Variants in SAMD3 observed in about 807,000 individuals in gnomAD.
The protein encoded by SAMD3 is sterile alpha motif domain containing 3, also known as sterile alpha motif domain-containing protein 3.
Under a neutral mutation model 58.5 loss-of-function variants are expected in SAMD3, and 63 were observed. The observed-to-expected ratio is 1.08, with a 90% CI of 0.88 to 1.33. SAMD3 has a LOEUF of 1.33. Among genes scored for constraint, SAMD3 ranks in the 40% most tolerant of loss-of-function variants. The pLI, the probability that SAMD3 is intolerant of heterozygous loss-of-function variation, is 0.00. For missense variants in SAMD3, 604 were observed against 608.4 expected (o/e 0.99, Z 0.08); for synonymous variants, 220 against 210.3 (o/e 1.05, Z -0.40).
chr6:130,321,878 C>G (rs1158916901), intron 1 of SAMD3, among the ~76,000 whole-genome samples: 2 of 152,150 alleles, frequency 1.3e-5, no homozygotes, highest in African/African-American at 4.8e-5. Context: ...ATTCAGACCT[C>G]AACTCAAGGA....
At chr6:130,189,992 G>C (rs1034608298) in intron 5 of SAMD3, among the ~76,000 whole-genome samples, 2 of 152,130 alleles carry the variant, frequency 1.3e-5, no homozygotes, top group Admixed American at 6.5e-5. Context: ...CAAAGACTTG[G>C]GGGCAGGATT....
At chr6:130,216,832 C>G (rs1352231534) in intron 1 of SAMD3, among the ~76,000 whole-genome samples, 1 of 152,152 alleles carries the variant, frequency 6.6e-6, no homozygotes, top group Non-Finnish European at 1.5e-5. Flanking sequence ...TTGCGAGACT[C>G]TGGTGTAAAT....
intron 4 of SAMD3, among the ~76,000 whole-genome samples, chr6:130,211,786 A>G (rs1795595091): frequency 1.3e-5 from 2 of 151,712 alleles, no homozygotes; most frequent in Admixed American, 6.6e-5. Flanking sequence ...CGGGTCCTTA[A>G]CCTTGGCAAA....
rs974234561 is a variant in SAMD3, at chr6:130,281,124, C to T, written c.-188+31854G>A. Reference sequence around the variant, plus strand: ...TAATGCAAATTATGTGAATGTGTCTCTCTCTATCTCTCTCTTTCAAAATAT... The same window carrying T: ...TAATGCAAATTATGTGAATGTGTCTTTCTCTATCTCTCTCTTTCAAAATAT... On this transcript the variant is annotated intron_variant, in intron 2 of 13. Transcript: ENST00000368134. Among the ~76,000 whole-genome samples the T allele has an allele frequency of 3.5e-4, 25 of 71,290 alleles. No individual in the cohort carries two copies. In the South Asian group the frequency reaches 7.7e-3, roughly 22 times the overall value. 46.8% of individuals were successfully genotyped at this position (71,290 alleles called of 152,430 possible).
chr6:130,316,500 A>G (rs1776376883), intron 1 of SAMD3, among the ~76,000 whole-genome samples: 1 of 152,034 alleles, frequency 6.6e-6, no homozygotes, highest in Non-Finnish European at 1.5e-5. Flanking sequence ...AAAAATAATA[A>G]TAACTTGAAT....
chr6:130,358,152 AC>A (rs1262732105), intron 1 of SAMD3, among the ~76,000 whole-genome samples: 2 of 152,246 alleles, frequency 1.3e-5, no homozygotes, highest in African/African-American at 4.8e-5. Context: ...TAAGTAGATA[AC>A]ATTTTCCCTA....
At chr6:130,204,965 C>A (rs1794957576) in intron 5 of SAMD3, among the ~76,000 whole-genome samples, 1 of 152,026 alleles carries the variant, frequency 6.6e-6, no homozygotes, top group African/African-American at 2.4e-5. Flanking sequence ...GGTTCAGAGA[C>A]CACTTGTTGG....
intron 1 of SAMD3, among the ~76,000 whole-genome samples, chr6:130,361,554 C>G (rs955540902): frequency 6.6e-6 from 1 of 151,980 alleles, no homozygotes; most frequent in African/African-American, 2.4e-5. Flanking sequence ...TTCAAGATGC[C>G]AAGTAGTTTT....
chr6:130,230,828 A>G (rs117516163), intron 2 of SAMD3, among the ~76,000 whole-genome samples: 3,817 of 152,322 alleles, frequency 0.025, 67 homozygotes, highest in Non-Finnish European at 0.039. Flanking sequence ...AACATCTTGT[A>G]GTCAACATAA....
intron 7 of SAMD3, among the ~76,000 whole-genome samples, chr6:130,181,849 A>G (rs116314731): frequency 0.013 from 1,954 of 151,594 alleles, 45 homozygotes; most frequent in African/African-American, 0.045. Context: ...TGTAAATTTA[A>G]AAAAAAAACA....
intron 2 of SAMD3, among the ~76,000 whole-genome samples, chr6:130,229,414 T>A (rs1796477615): frequency 6.6e-6 from 1 of 152,194 alleles, no homozygotes; most frequent in South Asian, 2.1e-4. Flanking sequence ...GTCACTTATC[T>A]TTCTCTTTAC....
At chr6:130,155,478 A>G (rs1789694664) in intron 8 of SAMD3, among the ~76,000 whole-genome samples, 1 of 152,246 alleles carries the variant, frequency 6.6e-6, no homozygotes, top group Non-Finnish European at 1.5e-5. Context: ...CAAAATAATA[A>G]CAGTGGTTAT....
At chr6:130,314,468 C>A (rs1776291103) in intron 1 of SAMD3, among the ~76,000 whole-genome samples, 1 of 152,170 alleles carries the variant, frequency 6.6e-6, no homozygotes, top group Non-Finnish European at 1.5e-5. Context: ...AAATCAAAGG[C>A]ATACGTTCTT....
intron 2 of SAMD3, among the ~76,000 whole-genome samples, chr6:130,258,584 C>T (rs914072194): frequency 6.6e-6 from 1 of 152,128 alleles, no homozygotes; most frequent in Non-Finnish European, 1.5e-5. Context: ...ATTATCACAA[C>T]AATCAAGATA....
chr6:130,355,322 G>T (rs1200309165), intron 1 of SAMD3, among the ~76,000 whole-genome samples: 1 of 152,144 alleles, frequency 6.6e-6, no homozygotes, highest in Non-Finnish European at 1.5e-5. Context: ...TACTCAGGAG[G>T]CTGAGGCAGG....
intron 2 of SAMD3, among the ~76,000 whole-genome samples, chr6:130,251,969 T>C (rs1303475671): frequency 6.6e-6 from 1 of 152,102 alleles, no homozygotes; most frequent in Non-Finnish European, 1.5e-5. Flanking sequence ...ATTGAACTTC[T>C]GTTTAGATGT....
chr6:130,333,194 C>CT (rs902303218), intron 1 of SAMD3, among the ~76,000 whole-genome samples: 4 of 151,852 alleles, frequency 2.6e-5, no homozygotes, highest in Non-Finnish European at 5.9e-5. Context: ...TGACCTAGGT[C>CT]TTTTTTGCTA....
At chr6:130,312,352 G>A (rs1583087687) in intron 2 of SAMD3, among the ~76,000 whole-genome samples, 1 of 152,210 alleles carries the variant, frequency 6.6e-6, no homozygotes, top group Admixed American at 6.5e-5. Flanking sequence ...GGAGACGAAA[G>A]GAAAGTAATG....
At chr6:130,248,503 G>C (rs73605916) in intron 2 of SAMD3, among the ~76,000 whole-genome samples, 2,953 of 152,242 alleles carry the variant, frequency 0.019, 94 homozygotes, top group African/African-American at 0.067. Flanking sequence ...ACAAGGAAGA[G>C]TATTTGATGC....
Sources: allele counts gnomAD v4.1 joint callset (sites outside exome capture counted in the v4.1 genomes callset), GRCh38; gene constraint gnomAD v4.1.1; transcripts MANE v1.5; gene names NCBI Gene and HGNC (gene_info 2026-07-23, HGNC 2026-07-21).